The following RBMS3 variants were observed in gnomAD, a reference collection of about 807,000 sequenced individuals.
The protein encoded by RBMS3 is RNA-binding motif, single-stranded-interacting protein 3.
A neutral mutation model predicts 66.8 loss-of-function variants in RBMS3; 27 were observed. That is an observed-to-expected ratio of 0.40 (90% confidence interval 0.30 to 0.56). The LOEUF (loss-of-function observed/expected upper bound fraction) is 0.56. Among genes scored for constraint, RBMS3 ranks in the 20% least tolerant of loss-of-function variants. RBMS3 has a pLI of 0.40. For synonymous variants in RBMS3, 188 were observed against 183.0 expected (o/e 1.03, Z -0.22); for missense variants, 513 against 549.5 (o/e 0.93, Z 0.66).
intron 8 of RBMS3, among the ~76,000 whole-genome samples, chr3:29,886,726 A>T (rs1324461927): frequency 6.6e-6 from 1 of 151,412 alleles, no homozygotes. Context: ...TTAGCAACAG[A>T]GTGGTGTAAT....
chr3:29,821,644 A>C (rs1356080538), intron 6 of RBMS3, among the ~76,000 whole-genome samples: 1 of 152,192 alleles, frequency 6.6e-6, no homozygotes, highest in Non-Finnish European at 1.5e-5. Context: ...AGAATATTGG[A>C]ATGGTTTCCT....
At chr3:29,801,348 A>G (rs528079855) in intron 6 of RBMS3, among the ~76,000 whole-genome samples, 1 of 146,860 alleles carries the variant, frequency 6.8e-6, no homozygotes, top group South Asian at 2.1e-4. Flanking sequence ...GCTCACTGCA[A>G]CCTCTGCCTC....
At chr3:29,604,052 A>G (rs77111537) in intron 4 of RBMS3, among the ~76,000 whole-genome samples, 3,732 of 152,060 alleles carry the variant, frequency 0.025, 176 homozygotes, top group African/African-American at 0.085. Flanking sequence ...GCAATGCATT[A>G]AATAGTGTCT....
chr3:29,615,407 C>T (rs1299314768), intron 4 of RBMS3, among the ~76,000 whole-genome samples: 1 of 151,614 alleles, frequency 6.6e-6, no homozygotes, highest in Non-Finnish European at 1.5e-5. Flanking sequence ...AAATCTATAC[C>T]ATAGGCATTT....
At chr3:29,432,257 A>G (rs1451498564) in intron 1 of RBMS3, among the ~76,000 whole-genome samples, 1 of 152,198 alleles carries the variant, frequency 6.6e-6, no homozygotes, top group Non-Finnish European at 1.5e-5. Flanking sequence ...GCTAACACCA[A>G]GTTTTCTAGC....
intron 4 of RBMS3, among the ~76,000 whole-genome samples, chr3:29,703,550 G>A (rs552955623): frequency 2.5e-4 from 38 of 152,330 alleles, no homozygotes; most frequent in African/African-American, 8.9e-4. Context: ...AATGCCCAGA[G>A]TATTTGTACA....
At chr3:29,812,338 C>T (rs1043684808) in intron 6 of RBMS3, among the ~76,000 whole-genome samples, 1 of 152,172 alleles carries the variant, frequency 6.6e-6, no homozygotes, top group Non-Finnish European at 1.5e-5. Flanking sequence ...CTCCCACCAC[C>T]TCCCCTCCTA....
intron 2 of RBMS3, among the ~76,000 whole-genome samples, chr3:29,476,459 G>A (rs2042950290): frequency 6.6e-6 from 1 of 152,112 alleles, no homozygotes; most frequent in Admixed American, 6.5e-5. Context: ...ATAGGTAGTT[G>A]AACTACACCA....
At chr3:29,629,934 T>C (rs1479289650) in intron 4 of RBMS3, among the ~76,000 whole-genome samples, 2 of 152,094 alleles carry the variant, frequency 1.3e-5, no homozygotes, top group Admixed American at 1.3e-4. Flanking sequence ...GTTAATTCTG[T>C]ATTAAATTCA....
intron 1 of RBMS3, among the ~76,000 whole-genome samples, chr3:29,352,926 CTTT>C (rs60099747): frequency 4.8e-5 from 7 of 144,660 alleles, no homozygotes; most frequent in African/African-American, 1.5e-4. Flanking sequence ...TACATTCATT[CTTT>C]TTTTTTTTAT....
At chr3:29,934,921 C>T (rs541472627) in intron 10 of RBMS3, among the ~76,000 whole-genome samples, 10 of 152,114 alleles carry the variant, frequency 6.6e-5, no homozygotes, top group Non-Finnish European at 8.8e-5. Context: ...TTTTAGGAAA[C>T]GCGCAGTGGG....
intron 1 of RBMS3, among the ~76,000 whole-genome samples, chr3:29,434,089 T>G (rs1410326018): frequency 6.6e-6 from 1 of 152,166 alleles, no homozygotes; most frequent in Non-Finnish European, 1.5e-5. Flanking sequence ...GATCCTGGAT[T>G]AGAGTAATTT....
At chr3:29,622,239 G>C (rs961805280) in intron 4 of RBMS3, among the ~76,000 whole-genome samples, 1 of 152,180 alleles carries the variant, frequency 6.6e-6, no homozygotes, top group African/African-American at 2.4e-5. Context: ...ATCTGGGGAA[G>C]TGAAGACAGA....
At chr3:29,625,179 A>T (rs2049014231) in intron 4 of RBMS3, among the ~76,000 whole-genome samples, 1 of 152,156 alleles carries the variant, frequency 6.6e-6, no homozygotes, top group Non-Finnish European at 1.5e-5. Context: ...CTTTCTTTAT[A>T]AATTACCCAG....
Position 29,483,170 on chromosome 3 carries a change from T to G in RBMS3, c.249-5271T>G, listed in dbSNP as rs369445401. On this transcript the variant is annotated intron_variant, in intron 2 of 14. Coordinates refer to ENST00000383767, the MANE Select transcript of RBMS3 (RefSeq NM_001003793.3). The stretch of plus-strand genomic sequence containing the variant: ...AAAAATACAAAAAAATTAGCCGGGC[T>G]TGGGGGCGGGCGCCTGTAGTCCCAG... 2.7e-3 allele frequency among the ~76,000 whole-genome samples: 411 copies of G among 150,988 alleles called. 4 individuals are homozygous for G. The highest frequency in any genetic ancestry group is 9.3e-3 in the African/African-American group (384 of 41,198).
chr3:29,763,009 G>C lies in RBMS3; in HGVS notation c.637+20G>C. The C allele has an allele frequency of 6.6e-7, 1 of 1,514,288 alleles. No homozygotes were observed. Among genetic ancestry groups the C allele is most frequent in the Non-Finnish European group, 9.1e-7 (1 of 1,095,378 alleles). 93.8% of individuals were successfully genotyped at this position (1,514,288 alleles called of 1,614,324 possible). ...TCCCAGGTAAGAAATTCACTAATAAGTGACTGAATGATGCCGAGGCTTAAA... is the reference window on the plus strand; with the variant it reads ...TCCCAGGTAAGAAATTCACTAATAACTGACTGAATGATGCCGAGGCTTAAA... On this transcript the variant is annotated intron_variant, in intron 6 of 14. Transcript: ENST00000383767.
intron 4 of RBMS3, among the ~76,000 whole-genome samples, chr3:29,693,525 T>C (rs180913679): frequency 1.3e-5 from 2 of 152,338 alleles, no homozygotes; most frequent in African/African-American, 4.8e-5. Context: ...CATTTATTTA[T>C]TGACTATGAT....
intron 3 of RBMS3, among the ~76,000 whole-genome samples, chr3:29,549,694 A>G (rs2046115018): frequency 6.6e-6 from 1 of 151,970 alleles, no homozygotes; most frequent in Non-Finnish European, 1.5e-5. Flanking sequence ...GCCACCGTGG[A>G]TTGATTTTTA....
At chr3:29,286,156 G>T (rs771468742) in intron 1 of RBMS3, among the ~76,000 whole-genome samples, 4 of 152,038 alleles carry the variant, frequency 2.6e-5, no homozygotes, top group Non-Finnish European at 5.9e-5. Context: ...TCGCTTCGGG[G>T]GGTAATATAA....
Sources: gnomAD v4.1 joint callset for allele counts (sites outside exome capture counted in the v4.1 genomes callset) on GRCh38, gnomAD v4.1.1 for gene constraint, MANE v1.5 for transcripts, NCBI Gene and HGNC (gene_info 2026-07-23, HGNC 2026-07-21) for gene names.